IGF1R: variants seen among roughly 807,000 people sequenced by gnomAD.
IGF1R encodes insulin-like growth factor 1 receptor.
Under a neutral mutation model 144.6 loss-of-function variants are expected in IGF1R, and 44 were observed. That is an observed-to-expected ratio of 0.30 (90% CI 0.24 to 0.39). The LOEUF (loss-of-function observed/expected upper bound fraction) is 0.39. Among genes scored for constraint, IGF1R ranks in the 10% least tolerant of loss-of-function variants. The probability of loss-of-function intolerance (pLI) is 1.00; values close to 1 mark genes in which losing one functional copy is unlikely to be tolerated. For missense variants in IGF1R, 1,355 were observed against 1,833.7 expected (o/e 0.74, Z 4.77); for synonymous variants, 795 against 722.8 (o/e 1.10, Z -1.60).
At position 98,960,685 on chromosome 15, in the gene IGF1R, G is replaced by C. The variant is rs1034634646; in HGVS notation, c.*3243G>C. 3 of 233,296 alleles carry C rather than the reference G, an allele frequency of 1.3e-5. No homozygotes were observed. Among genetic ancestry groups the C allele is most frequent in the Non-Finnish European group, 2.5e-5 (3 of 118,138 alleles). The allele number at this position is 233,296 out of a possible 1,614,324, so 14.5% of individuals were successfully genotyped here. On this transcript the variant is annotated 3_prime_UTR_variant, in exon 21 of 21. Coordinates refer to ENST00000650285, the MANE Select transcript of IGF1R (RefSeq NM_000875.5). ...TGAGCACAAAGGTGCAGCTGCAGCA[G>C]CAGCTGGAGAGCAAGAGTCACCCAG...
intron 2 of IGF1R, among the ~76,000 whole-genome samples, chr15:98,878,693 A>AAAAAAAC (rs1567174382): frequency 3.2e-4 from 40 of 126,130 alleles, no homozygotes; most frequent in African/African-American, 1.3e-3. Flanking sequence ...AAAAAAAAAA[A>AAAAAAAC]AACAACAACA....
intron 2 of IGF1R, among the ~76,000 whole-genome samples, chr15:98,772,376 T>C (rs889278252): frequency 2.2e-4 from 34 of 151,880 alleles, no homozygotes; most frequent in Admixed American, 1.6e-3. Context: ...TGTGGTCGGC[T>C]CTGTTCTATG....
intron 2 of IGF1R, among the ~76,000 whole-genome samples, chr15:98,853,240 C>G (rs1370567500): frequency 2.0e-5 from 3 of 152,166 alleles, no homozygotes; most frequent in Non-Finnish European, 2.9e-5. Context: ...TTGTGTTGAA[C>G]CAAATGTTTT....
chr15:98,833,972 T>A (rs1338009549), intron 2 of IGF1R, among the ~76,000 whole-genome samples: 2 of 152,234 alleles, frequency 1.3e-5, no homozygotes, highest in African/African-American at 2.4e-5. Context: ...AGTAATAGTA[T>A]GGACCCTGAA....
intron 2 of IGF1R, among the ~76,000 whole-genome samples, chr15:98,864,857 T>C (rs908834026): frequency 7.2e-5 from 11 of 152,228 alleles, no homozygotes; most frequent in African/African-American, 2.4e-4. Flanking sequence ...AATGGCTAAA[T>C]TTTTTAAATA....
intron 1 of IGF1R, among the ~76,000 whole-genome samples, chr15:98,691,587 C>G (rs1039944610): frequency 6.6e-6 from 1 of 152,110 alleles, no homozygotes; most frequent in South Asian, 2.1e-4. Flanking sequence ...TGGTCTCGAA[C>G]TCCTGACCTC....
At position 98,891,319 on chromosome 15, in the gene IGF1R, CCA is replaced by C. The variant is rs1480380694; in HGVS notation, c.641-3_641-2del. Reference sequence around the variant, plus strand: ...TCTCATCTCCGTCTCTCCTCTCTCTCCACAGTGTGCCCAAGCACGTGTGGGAA... The same window carrying C: ...TCTCATCTCCGTCTCTCCTCTCTCTCCAGTGTGCCCAAGCACGTGTGGGAA... On this transcript the variant is annotated splice_polypyrimidine_tract_variant and splice_region_variant and intron_variant, in intron 2 of 20. Coordinates refer to ENST00000650285, the MANE Select transcript of IGF1R (RefSeq NM_000875.5). This position sits in a 1 kb window ranked among gnomAD's most constrained non-coding sequence, Gnocchi z 4.7. 2.5e-6 allele frequency: 4 copies of C among 1,604,942 alleles called. No homozygotes were observed. Among genetic ancestry groups the C allele is most frequent in the East Asian group, 2.2e-5 (1 of 44,880 alleles).
At chr15:98,923,784 G>A (rs1296500430) in intron 11 of IGF1R, 92 bp from the exon 12 acceptor site, 7 of 1,019,734 alleles carry the variant, frequency 6.9e-6, no homozygotes, top group African/African-American at 1.6e-5. Context: ...TCCTGCCCGT[G>A]TGGATGGGGG....
At chr15:98,841,427 A>G (rs2684775) in intron 2 of IGF1R, among the ~76,000 whole-genome samples, 5,513 of 152,340 alleles carry the variant, frequency 0.036, 160 homozygotes, top group East Asian at 0.15. Flanking sequence ...AAGTTTTTAG[A>G]ATAGTACCTG....
At chr15:98,680,867 T>C (rs1470234493) in intron 1 of IGF1R, among the ~76,000 whole-genome samples, 1 of 117,770 alleles carries the variant, frequency 8.5e-6, no homozygotes, top group Non-Finnish European at 1.6e-5. Flanking sequence ...ATATGTACTT[T>C]TTTTTTTTTT....
At chr15:98,883,946 CT>C (rs1567176799) in intron 2 of IGF1R, among the ~76,000 whole-genome samples, 1 of 152,126 alleles carries the variant, frequency 6.6e-6, no homozygotes, top group African/African-American at 2.4e-5. Flanking sequence ...CCTTTAGGCC[CT>C]TGGTACCATG....
intron 1 of IGF1R, among the ~76,000 whole-genome samples, chr15:98,655,074 A>G (rs1288231626): frequency 6.6e-6 from 1 of 152,186 alleles, no homozygotes; most frequent in Non-Finnish European, 1.5e-5. Flanking sequence ...TAAAACTTTG[A>G]TATATGTACA....
chr15:98,879,063 C>A (rs1457731679), intron 2 of IGF1R, among the ~76,000 whole-genome samples: 1 of 152,080 alleles, frequency 6.6e-6, no homozygotes, highest in Admixed American at 6.6e-5. Flanking sequence ...GTGAAGAAAC[C>A]CGGCTCATGA....
chr15:98,882,365 C>T (rs1279809057), intron 2 of IGF1R, among the ~76,000 whole-genome samples: 1 of 152,210 alleles, frequency 6.6e-6, no homozygotes, highest in African/African-American at 2.4e-5. Context: ...TGCCATCTGG[C>T]AGTGGAGTAG....
chr15:98,759,416 G>A (rs1216798067), intron 2 of IGF1R, among the ~76,000 whole-genome samples: 1 of 152,224 alleles, frequency 6.6e-6, no homozygotes, highest in Non-Finnish European at 1.5e-5. Context: ...CAGGAAGTCA[G>A]GATGTTAGTG....
At chr15:98,664,712 T>G (rs2052687672) in intron 1 of IGF1R, among the ~76,000 whole-genome samples, 1 of 146,314 alleles carries the variant, frequency 6.8e-6, no homozygotes, top group African/African-American at 2.6e-5. Flanking sequence ...AAAAAAAGTG[T>G]CACCCATCTT....
At chr15:98,897,004 G>A (rs555308268) in intron 4 of IGF1R, 99 bp downstream of exon 4, 186 of 1,148,778 alleles carry the variant, frequency 1.6e-4, no homozygotes, top group Non-Finnish European at 2.3e-4. Context: ...TAAAATATGG[G>A]CTTAGATAAA....
At chr15:98,803,920 C>T (rs2056416534) in intron 2 of IGF1R, among the ~76,000 whole-genome samples, 1 of 152,208 alleles carries the variant, frequency 6.6e-6, no homozygotes, top group East Asian at 1.9e-4. Context: ...ATATTATGTA[C>T]TGTGCACTGT....
rs974408205 is a variant in IGF1R, at chr15:98,648,853, GCGGGCGGGGGC to G, written c.-714_-704del. 8.6e-4 allele frequency: 127 copies of G among 147,630 alleles called. 1 individual carries two copies. The highest frequency in any genetic ancestry group is 4.7e-3 in the South Asian group (25 of 5,322). 9.1% of individuals were successfully genotyped at this position (147,630 alleles called of 1,614,324 possible). A position where few individuals can be genotyped will look rare whatever the true frequency, so the allele number is the denominator to read the frequency against. Reference sequence around the variant, plus strand: ...GAGCCCCCGCGCAGAGCAGGCGGCGGCGGGCGGGGGCCGGGCGGGGGCCGGCGCGGGGCGGG... The same window carrying G: ...GAGCCCCCGCGCAGAGCAGGCGGCGGCGGGCGGGGGCCGGCGCGGGGCGGG... On this transcript the variant is annotated 5_prime_UTR_variant, in exon 1 of 21. Coordinates refer to ENST00000650285, the MANE Select transcript of IGF1R (RefSeq NM_000875.5).
Sources: gnomAD v4.1 joint callset for allele counts (sites outside exome capture counted in the v4.1 genomes callset) on GRCh38, gnomAD v4.1.1 for gene constraint, Gnocchi (gnomAD v3.1) non-coding constraint, MANE v1.5 for transcripts, NCBI Gene and HGNC (gene_info 2026-07-23, HGNC 2026-07-21) for gene names.